TLE2: variants seen among roughly 807,000 people sequenced by gnomAD.
The protein encoded by TLE2 is TLE family member 2, transcriptional corepressor.
A neutral mutation model predicts 97.2 loss-of-function variants in TLE2; 74 were observed. The ratio of observed to expected loss-of-function variants is 0.76; its 90% CI spans 0.63 to 0.92. The LOEUF is 0.92. TLE2 is among the 40% of genes least tolerant of loss of function. TLE2 has a pLI of 0.00. For missense variants in TLE2, 1,038 were observed against 1,008.7 expected (o/e 1.03, Z -0.39); for synonymous variants, 499 against 432.1 (o/e 1.15, Z -1.92).
upstream of TLE2, among the ~76,000 whole-genome samples, chr19:3,046,580 C>A: frequency 6.7e-6 from 1 of 150,194 alleles, no homozygotes; most frequent in Admixed American, 6.6e-5. Context: ...CACCCCCCCA[C>A]CCCCCACCCC....
At chr19:3,004,982 C>A (rs1032139721) in intron 17 of TLE2, among the ~76,000 whole-genome samples, 2 of 152,060 alleles carry the variant, frequency 1.3e-5, no homozygotes, top group African/African-American at 4.8e-5. Flanking sequence ...GCTTAGACTC[C>A]ACCTTCAATG....
At chr19:3,011,798 C>T (rs1306563861) in intron 11 of TLE2, among the ~76,000 whole-genome samples, 1 of 151,808 alleles carries the variant, frequency 6.6e-6, no homozygotes, top group Non-Finnish European at 1.5e-5. Flanking sequence ...TGCAGTGAGC[C>T]GAGATCACGC....
rs368582172 is a variant in TLE2 at position 3,002,336 on chromosome 19, C to T, written c.2047+17G>A. On this transcript the variant is annotated intron_variant, in intron 18 of 19. Coordinates refer to ENST00000262953, the MANE Select transcript of TLE2 (RefSeq NM_003260.5). ...TTGGGGTTTTGAGGGCGTGCCACCCCGCCCCAGAAGACACACCGCAGGAGG... is the reference window on the plus strand; with the variant it reads ...TTGGGGTTTTGAGGGCGTGCCACCCTGCCCCAGAAGACACACCGCAGGAGG... 6.5e-5 allele frequency: 104 copies of T among 1,589,176 alleles called. No individual in the cohort carries two copies. Among genetic ancestry groups the T allele is most frequent in the Admixed American group, 1.4e-4 (8 of 55,908 alleles).
chr19:3,014,283 C>T (rs576239219), intron 10 of TLE2, among the ~76,000 whole-genome samples: 27 of 152,176 alleles, frequency 1.8e-4, no homozygotes, highest in African/African-American at 6.5e-4. Flanking sequence ...TATATAAAGG[C>T]TTGGTTTTAT....
At chr19:3,023,888 TCA>T (rs140844301) in intron 5 of TLE2, among the ~76,000 whole-genome samples, 3 of 144,380 alleles carry the variant, frequency 2.1e-5, no homozygotes, top group South Asian at 2.3e-4. Flanking sequence ...CAAGAATCCA[TCA>T]CACACACACA....
chr19:3,003,742 T>C (rs938785071), intron 17 of TLE2, among the ~76,000 whole-genome samples: 8 of 151,622 alleles, frequency 5.3e-5, no homozygotes, highest in Non-Finnish European at 1.0e-4. Context: ...TCTTGCTCTG[T>C]CGCCCAGGCT....
chr19:3,026,483 T>G (rs1462641324), intron 4 of TLE2, among the ~76,000 whole-genome samples: 1 of 150,576 alleles, frequency 6.6e-6, no homozygotes, highest in African/African-American at 2.5e-5. Flanking sequence ...AAAAAAATCT[T>G]TAGGTCTATC....
At position 3,019,450 on chromosome 19, in the gene TLE2, G is replaced by A. The variant is rs766332010; in HGVS notation, c.383C>T (p.Pro128Leu). Residue 128 changes from proline (P) to leucine (L), a missense_variant, in exon 7 of 20, where the codon CCG becomes CTG. By Grantham distance (98) the Pro-to-Leu change is moderately conservative. Transcript: ENST00000262953. The surrounding 1 kb of genome is among the most constrained non-coding windows in gnomAD (Gnocchi z 5.1). ...LNSLIGQQLQPLSHHAPPVPL... is the reference protein window; with the variant it reads ...LNSLIGQQLQLLSHHAPPVPL... ...CACAGGGGGTGCGTGGTGGGACAGC[G>A]GCTGGAGCTGCTGCTGCTAGAAAGG... 28 of 1,521,128 alleles carry A rather than the reference G, an allele frequency of 1.8e-5. No homozygotes were observed. Among genetic ancestry groups the A allele is most frequent in the Admixed American group, 1.0e-4 (5 of 48,714 alleles). The allele number at this position is 1,521,128 out of a possible 1,614,324, so 94.2% of individuals were successfully genotyped here.
upstream of TLE2, among the ~76,000 whole-genome samples, chr19:3,031,342 TTGTGTGTGTGTGTGTG>T (rs60898410): frequency 2.7e-4 from 38 of 140,000 alleles, no homozygotes; most frequent in African/African-American, 6.5e-4. Context: ...AAAGATACAA[TTGTGTGTGTGTGTGTG>T]TGTGTGTGTG....
chr19:3,002,252 T>G, intron 18 of TLE2, 101 bp downstream of exon 18: 1 of 1,382,128 alleles, frequency 7.2e-7, no homozygotes, highest in Non-Finnish European at 9.6e-7. Flanking sequence ...ACTTAGTATA[T>G]AAATAACATT....
intron 13 of TLE2, 94 bp downstream of exon 13, chr19:3,009,448 C>A: frequency 7.1e-7 from 1 of 1,405,900 alleles, no homozygotes; most frequent in Non-Finnish European, 9.3e-7. Flanking sequence ...CCTTTCTGCA[C>A]TCCCTTGTCT....
chr19:3,017,549 C>T (rs1285254172), intron 8 of TLE2, among the ~76,000 whole-genome samples: 3 of 149,904 alleles, frequency 2.0e-5, no homozygotes, highest in Non-Finnish European at 4.4e-5. Context: ...CTTCTGGGCT[C>T]AAGTGATCCT....
chr19:3,011,590 C>G (rs1372675834), intron 11 of TLE2, among the ~76,000 whole-genome samples: 2 of 151,532 alleles, frequency 1.3e-5, no homozygotes, highest in African/African-American at 4.8e-5. Flanking sequence ...TGGCTCACGC[C>G]TGTAATCCCA....
At position 3,014,595 on chromosome 19, in the gene TLE2, C is replaced by G. The variant is rs767468347; in HGVS notation, c.698G>C (p.Ser233Thr). 1 of 1,590,148 alleles carries G rather than the reference C, an allele frequency of 6.3e-7. No homozygotes were observed. The highest frequency in any genetic ancestry group is 1.7e-5 in the Admixed American group (1 of 57,352). ...CTCGTCCACCACCAGATTGTAATCACTCTTGTCTTCGTCGCTTTCCTGGGG... is the reference window on the plus strand; with the variant it reads ...CTCGTCCACCACCAGATTGTAATCAGTCTTGTCTTCGTCGCTTTCCTGGGG... ...SGPYESDEDK[S>T]DYNLVVDEDQ... is the part of the protein sequence containing the mutation. Residue 233 changes from serine (S) to threonine (T), a missense_variant, in exon 10 of 20, where the codon AGT becomes ACT. By Grantham distance (58) the Ser-to-Thr change is moderately conservative. Transcript: ENST00000262953.
intron 1 of TLE2, among the ~76,000 whole-genome samples, chr19:3,041,006 TATA>T: frequency 5.2e-5 from 2 of 38,604 alleles, no homozygotes. Flanking sequence ...TATATATATA[TATA>T]TATATTTTTT....
chr19:3,002,859 C>T (rs908628709), intron 17 of TLE2, among the ~76,000 whole-genome samples: 15 of 152,076 alleles, frequency 9.9e-5, no homozygotes, highest in Admixed American at 2.6e-4. Context: ...CTAGTACGCC[C>T]GGGTAATTTT....
intron 12 of TLE2, among the ~76,000 whole-genome samples, 185 bp from the exon 13 acceptor site, chr19:3,009,887 C>CTCTT (rs764492373): frequency 1.3e-5 from 2 of 148,522 alleles, no homozygotes; most frequent in South Asian, 2.1e-4. Context: ...TTCTCTCTCT[C>CTCTT]TTTTTTTCTT....
chr19:3,047,394 C>A (rs564030054), upstream of TLE2, among the ~76,000 whole-genome samples: 300 of 146,738 alleles, frequency 2.0e-3, 1 homozygote, highest in African/African-American at 7.2e-3. Context: ...GCCCCGGGAC[C>A]CTCCCCAAAC....
Position 2,997,896 on chromosome 19 carries a change from C to A in TLE2, c.2184G>T (p.Val728=). 6.2e-7 allele frequency: 1 copy of A among 1,613,080 alleles called. No homozygotes were observed. Among genetic ancestry groups the A allele is most frequent in the South Asian group, 1.1e-5 (1 of 90,820 alleles). ...CDISRNNKYI[V]TGSGDKKATV... is the part of the protein sequence containing the mutation. ...TGGCCTTCTTGTCCCCCGAGCCTGT[C>A]ACGATGTATTTGTTATTTCTGGAGA... The change falls in exon 20 of 20, where the codon GTG becomes GTT. Residue 728 remains valine (V), a synonymous_variant. Transcript: ENST00000262953.
Sources: gnomAD v4.1 joint callset for allele counts (sites outside exome capture counted in the v4.1 genomes callset) on GRCh38, gnomAD v4.1.1 for gene constraint, Gnocchi (gnomAD v3.1) non-coding constraint, MANE v1.5 for transcripts, NCBI Gene and HGNC (gene_info 2026-07-23, HGNC 2026-07-21) for gene names.